Variants in CDH18 observed in about 807,000 individuals in gnomAD.
CDH18 encodes cadherin 18, also known as cadherin-18.
In CDH18, 31 loss-of-function variants were observed where a neutral mutation model predicts 67.9. That is an observed-to-expected ratio of 0.46 (90% CI 0.34 to 0.62). The LOEUF (loss-of-function observed/expected upper bound fraction) is 0.62. Among genes scored for constraint, CDH18 ranks in the 20% least tolerant of loss-of-function variants. The pLI, the probability that CDH18 is intolerant of heterozygous loss-of-function variation, is 0.01. For synonymous variants in CDH18, 362 were observed against 347.2 expected (o/e 1.04, Z -0.48); for missense variants, 890 against 975.5 (o/e 0.91, Z 1.17).
intron 2 of CDH18, among the ~76,000 whole-genome samples, chr5:20,095,298 TAAAAGAAA>T (rs1475530016): frequency 1.3e-4 from 9 of 67,166 alleles, no homozygotes; most frequent in Non-Finnish European, 2.5e-4. Context: ...GAACTTAAAG[TAAAAGAAA>T]GAAAGAAAGA....
rs139172837 is a variant in CDH18, at chr5:20,077,384, G to C, written c.-517-85370C>G. 1.2e-4 allele frequency among the ~76,000 whole-genome samples: 19 copies of C among 152,282 alleles called. No individual in the cohort carries two copies. The East Asian group carries it at 2.9e-3, about 23-fold the overall frequency. ...ATTGTCGTGCTATTCAGCTGAACAA[G>C]ATTGATGACACAGCAAACTGCAAAT... On this transcript the variant is annotated intron_variant, in intron 2 of 14. Coordinates refer to the CDH18 transcript ENST00000507958.
At chr5:20,175,754 C>A (rs944554582) in intron 2 of CDH18, among the ~76,000 whole-genome samples, 14 of 152,174 alleles carry the variant, frequency 9.2e-5, no homozygotes, top group African/African-American at 3.4e-4. Flanking sequence ...CCAGTCTAGT[C>A]TTCACATTTT....
At chr5:20,429,751 AT>A (rs1325482331) in intron 1 of CDH18, among the ~76,000 whole-genome samples, 1 of 152,196 alleles carries the variant, frequency 6.6e-6, no homozygotes, top group Non-Finnish European at 1.5e-5. Flanking sequence ...ATATTCAAAC[AT>A]TAAAGTAAAG....
chr5:20,387,531 C>A (rs1744412031), intron 1 of CDH18, among the ~76,000 whole-genome samples: 1 of 152,090 alleles, frequency 6.6e-6, no homozygotes. Flanking sequence ...AATTTGACTT[C>A]ATCTTTTCCT....
At chr5:19,506,772 TAA>T (rs1744243617) in intron 10 of CDH18, among the ~76,000 whole-genome samples, 2 of 152,182 alleles carry the variant, frequency 1.3e-5, no homozygotes. Context: ...ATTAAAGACT[TAA>T]ATGTTTGACC....
At chr5:20,114,700 G>T (rs1260397800) in intron 2 of CDH18, among the ~76,000 whole-genome samples, 3 of 152,104 alleles carry the variant, frequency 2.0e-5, no homozygotes, top group Admixed American at 1.3e-4. Flanking sequence ...CAGATGGTAG[G>T]CTGTGTCAGC....
chr5:19,599,133 A>G (rs532329230), intron 6 of CDH18, among the ~76,000 whole-genome samples: 8 of 152,118 alleles, frequency 5.3e-5, no homozygotes, highest in Non-Finnish European at 1.2e-4. Flanking sequence ...TTAAACTTTC[A>G]AATATAATTT....
intron 3 of CDH18, among the ~76,000 whole-genome samples, chr5:19,758,454 A>G (rs1771913983): frequency 6.6e-6 from 1 of 152,176 alleles, no homozygotes; most frequent in Admixed American, 6.5e-5. Context: ...TGCCACTGAC[A>G]CCTCAAGCAC....
At chr5:19,542,798 T>A (rs1750482171) in intron 9 of CDH18, among the ~76,000 whole-genome samples, 1 of 151,982 alleles carries the variant, frequency 6.6e-6, no homozygotes, top group Non-Finnish European at 1.5e-5. Flanking sequence ...GCAGAATTTT[T>A]TTTTTTGTAG....
At chr5:20,407,441 A>T (rs1419907292) in intron 1 of CDH18, among the ~76,000 whole-genome samples, 2 of 151,512 alleles carry the variant, frequency 1.3e-5, no homozygotes, top group South Asian at 2.1e-4. Flanking sequence ...AATTGAAGTC[A>T]ATCCATGAAG....
chr5:19,722,426 T>A (rs1321079782), intron 4 of CDH18, among the ~76,000 whole-genome samples: 5 of 151,380 alleles, frequency 3.3e-5, no homozygotes, highest in African/African-American at 4.9e-5. Flanking sequence ...CTGGATTTTT[T>A]AAAATGAAAA....
chr5:20,457,788 A>G (rs1334613878), intron 1 of CDH18, among the ~76,000 whole-genome samples: 1 of 152,164 alleles, frequency 6.6e-6, no homozygotes, highest in Non-Finnish European at 1.5e-5. Flanking sequence ...ACAAGGCTGG[A>G]CAAAAAAACT....
intron 2 of CDH18, among the ~76,000 whole-genome samples, chr5:19,874,523 T>A: frequency 6.6e-6 from 1 of 152,210 alleles, no homozygotes; most frequent in East Asian, 1.9e-4. Flanking sequence ...TCCTTCTCGA[T>A]CCTATAGTCT....
At chr5:19,927,581 G>A (rs1508626) in intron 2 of CDH18, among the ~76,000 whole-genome samples, 43,881 of 151,850 alleles carry the variant, frequency 0.29, 7,543 homozygotes, top group South Asian at 0.41. Flanking sequence ...AAGTATGAAA[G>A]CACATATATA....
intron 2 of CDH18, among the ~76,000 whole-genome samples, chr5:19,910,539 GCAAT>G (rs939470414): frequency 1.3e-5 from 2 of 152,162 alleles, no homozygotes; most frequent in African/African-American, 4.8e-5. Flanking sequence ...ATATTTCTAG[GCAAT>G]CAATCAATCT....
intron 2 of CDH18, among the ~76,000 whole-genome samples, chr5:20,174,138 T>A (rs1461337161): frequency 6.6e-6 from 1 of 152,190 alleles, no homozygotes; most frequent in Non-Finnish European, 1.5e-5. Flanking sequence ...CTCCTATCTG[T>A]TCTTTTTAGT....
chr5:19,923,676 A>G (rs371750705), intron 2 of CDH18, among the ~76,000 whole-genome samples: 23 of 152,154 alleles, frequency 1.5e-4, no homozygotes, highest in African/African-American at 5.6e-4. Context: ...CATATCTCTA[A>G]CTCAGAACAA....
intron 3 of CDH18, among the ~76,000 whole-genome samples, chr5:19,765,180 T>A (rs960544563): frequency 6.6e-6 from 1 of 152,128 alleles, no homozygotes; most frequent in Non-Finnish European, 1.5e-5. Context: ...AAGAAAGAAT[T>A]AACTGCATCC....
At chr5:19,998,572 A>C (rs1416459374) in intron 2 of CDH18, among the ~76,000 whole-genome samples, 3 of 152,156 alleles carry the variant, frequency 2.0e-5, no homozygotes, top group African/African-American at 7.2e-5. Context: ...GTTCAACATA[A>C]AATTTGAGGA....
Sources: allele counts gnomAD v4.1 joint callset (sites outside exome capture counted in the v4.1 genomes callset), GRCh38; gene constraint gnomAD v4.1.1; transcripts MANE v1.5; gene names NCBI Gene and HGNC (gene_info 2026-07-23, HGNC 2026-07-21).